The following DYM variants were observed in gnomAD, a reference collection of about 807,000 sequenced individuals.
DYM encodes the protein dyggve-Melchior-Clausen syndrome protein.
Under a neutral mutation model 93.1 loss-of-function variants are expected in DYM, and 78 were observed. The ratio of observed to expected loss-of-function variants is 0.84; its 90% CI spans 0.70 to 1.01. The LOEUF (loss-of-function observed/expected upper bound fraction) is 1.01, where lower values mean the gene tolerates loss of function less well. Among genes scored for constraint, DYM ranks in the 50% least tolerant of loss-of-function variants. The pLI, the probability that DYM is intolerant of heterozygous loss-of-function variation, is 0.00. For synonymous variants in DYM, 321 were observed against 319.7 expected (o/e 1.00, Z -0.04); for missense variants, 789 against 845.0 (o/e 0.93, Z 0.82).
At chr18:49,206,822 T>A (rs563428056) in intron 14 of DYM, among the ~76,000 whole-genome samples, 1 of 152,196 alleles carries the variant, frequency 6.6e-6, no homozygotes, top group Non-Finnish European at 1.5e-5. Flanking sequence ...GGAGGCTTCA[T>A]ACTGTAAACC....
chr18:49,092,387 T>A (rs1660535490), intron 17 of DYM, among the ~76,000 whole-genome samples: 1 of 152,220 alleles, frequency 6.6e-6, no homozygotes, highest in Admixed American at 6.5e-5. Flanking sequence ...CTCTTCAGTG[T>A]TCCCTGACTA....
Position 49,044,100 on chromosome 18 carries a change from G to A in DYM, c.2130C>T (p.Tyr710=), listed in dbSNP as rs371384196. 2 of 1,613,946 alleles carry A rather than the reference G, an allele frequency of 1.2e-6. No individual in the cohort carries two copies. The highest frequency in any genetic ancestry group is 1.7e-6 in the Non-Finnish European group (2 of 1,180,028). The part of the protein sequence containing the change: ...SLVYNSAVGL[Y]WNPQDIQLFT... ...ACAGCTGGATGTCCTGTGGATTCCAGTACAGGCCGACTGCTGAGTTGTAGA... is the reference window on the plus strand; with the variant it reads ...ACAGCTGGATGTCCTGTGGATTCCAATACAGGCCGACTGCTGAGTTGTAGA... Residue 710 remains tyrosine, a synonymous_variant, in exon 18 of 18, where the codon TAC becomes TAT. Transcript: ENST00000675505.
chr18:49,246,229 T>G (rs74599327), intron 13 of DYM, among the ~76,000 whole-genome samples: 11,791 of 152,284 alleles, frequency 0.077, 741 homozygotes, highest in East Asian at 0.31. Flanking sequence ...TTCCCTTGTT[T>G]GTCCTATCTC....
intron 2 of DYM, among the ~76,000 whole-genome samples, chr18:49,408,053 G>T: frequency 9.2e-6 from 1 of 108,194 alleles, no homozygotes; most frequent in African/African-American, 3.4e-5. Context: ...AACATAGCAA[G>T]ACCTCATCTC....
chr18:49,272,092 G>T (rs1353790349), intron 11 of DYM, 86 bp downstream of exon 11: 24 of 1,223,280 alleles, frequency 2.0e-5, no homozygotes, highest in Non-Finnish European at 2.8e-5. Context: ...ACATCTACCA[G>T]AAAGAAATGT....
At chr18:49,060,683 G>GGGA (rs2075893209) in intron 17 of DYM, among the ~76,000 whole-genome samples, 2 of 71,384 alleles carry the variant, frequency 2.8e-5, no homozygotes, top group Admixed American at 1.2e-4. Context: ...GGAAGGGAGG[G>GGGA]GGGAGGGGGG....
At chr18:49,309,232 G>A (rs998458444) in intron 8 of DYM, among the ~76,000 whole-genome samples, 1 of 152,162 alleles carries the variant, frequency 6.6e-6, no homozygotes, top group Non-Finnish European at 1.5e-5. Flanking sequence ...AGAAAACTGG[G>A]TCAACCTAAG....
chr18:49,086,597 G>A (rs2078551445), intron 17 of DYM, among the ~76,000 whole-genome samples: 1 of 152,158 alleles, frequency 6.6e-6, no homozygotes, highest in Non-Finnish European at 1.5e-5. Context: ...GTTAATATGT[G>A]GAATCCTAAT....
chr18:49,367,008 A>G (rs1409429825), intron 5 of DYM, among the ~76,000 whole-genome samples: 1 of 152,222 alleles, frequency 6.6e-6, no homozygotes, highest in Non-Finnish European at 1.5e-5. Context: ...ATATGTTTCT[A>G]CACAAAGTTG....
intron 16 of DYM, among the ~76,000 whole-genome samples, chr18:49,104,650 A>C (rs766061825): frequency 7.9e-5 from 12 of 152,246 alleles, no homozygotes; most frequent in Admixed American, 3.9e-4. Context: ...AAGGCCTTTT[A>C]TGCATCTATT....
chr18:49,431,401 G>A (rs1389781301), intron 1 of DYM, among the ~76,000 whole-genome samples: 3 of 152,178 alleles, frequency 2.0e-5, no homozygotes, highest in Non-Finnish European at 4.4e-5. Context: ...ACAGTATGTT[G>A]AAGGAACAAG....
intron 17 of DYM, among the ~76,000 whole-genome samples, chr18:49,067,347 G>A (rs1175008844): frequency 6.7e-6 from 1 of 150,230 alleles, no homozygotes; most frequent in East Asian, 2.0e-4. Flanking sequence ...AGATTCAGTA[G>A]GGGAAGGAGT....
At chr18:49,192,500 A>G (rs1278305776) in intron 14 of DYM, among the ~76,000 whole-genome samples, 3 of 151,940 alleles carry the variant, frequency 2.0e-5, no homozygotes, top group African/African-American at 7.3e-5. Flanking sequence ...TGGATATCCA[A>G]TTTTCCAAAC....
At chr18:49,124,520 A>G (rs1172060116) in intron 15 of DYM, among the ~76,000 whole-genome samples, 1 of 151,926 alleles carries the variant, frequency 6.6e-6, no homozygotes, top group African/African-American at 2.4e-5. Context: ...AAAAAAAAAA[A>G]AAAAGAAACT....
At chr18:49,280,630 G>A (rs1017784284) in intron 10 of DYM, among the ~76,000 whole-genome samples, 3 of 152,236 alleles carry the variant, frequency 2.0e-5, no homozygotes, top group South Asian at 2.1e-4. Flanking sequence ...GGGACGCTGC[G>A]GTGTCCTGCT....
At chr18:49,351,806 C>A (rs747780890) in intron 6 of DYM, among the ~76,000 whole-genome samples, 8 of 152,084 alleles carry the variant, frequency 5.3e-5, no homozygotes, top group Non-Finnish European at 7.4e-5. Flanking sequence ...TCTTCAAAAG[C>A]TACATGAGAA....
At chr18:49,412,243 A>AG (rs2072337126) in intron 2 of DYM, among the ~76,000 whole-genome samples, 1 of 125,536 alleles carries the variant, frequency 8.0e-6, no homozygotes, top group Admixed American at 8.1e-5. Context: ...ACTTAAAAAA[A>AG]AAAAAAAAAA....
At chr18:49,054,108 T>G (rs1477964137) in intron 17 of DYM, among the ~76,000 whole-genome samples, 1 of 152,136 alleles carries the variant, frequency 6.6e-6, no homozygotes, top group Admixed American at 6.5e-5. Context: ...CTCTTCCAAG[T>G]GTAATGGAGG....
chr18:49,186,074 T>A (rs117313895), intron 14 of DYM, among the ~76,000 whole-genome samples: 4,587 of 152,264 alleles, frequency 0.03, 129 homozygotes, highest in Non-Finnish European at 0.044. Context: ...GATAACCACA[T>A]CTTGATTTGT....
Sources: gnomAD v4.1 joint callset for allele counts (sites outside exome capture counted in the v4.1 genomes callset) on GRCh38, gnomAD v4.1.1 for gene constraint, MANE v1.5 for transcripts, NCBI Gene and HGNC (gene_info 2026-07-23, HGNC 2026-07-21) for gene names.